The following PXDNL variants were observed in gnomAD, a reference collection of about 807,000 sequenced individuals.
PXDNL encodes peroxidasin like, also known as probable oxidoreductase PXDNL.
PXDNL carries 145 observed loss-of-function variants against 150.8 expected under a neutral mutation model. That is an observed-to-expected ratio of 0.96 (90% CI 0.84 to 1.10). The LOEUF (loss-of-function observed/expected upper bound fraction) is 1.10, where lower values mean the gene tolerates loss of function less well. Among genes scored for constraint, PXDNL ranks in the 50% least tolerant of loss-of-function variants. The pLI is 0.00. For missense variants in PXDNL, 2,087 were observed against 1,873.9 expected (o/e 1.11, Z -2.10); for synonymous variants, 757 against 725.7 (o/e 1.04, Z -0.69).
chr8:51,544,436 T>G (rs1812307204), intron 4 of PXDNL, among the ~76,000 whole-genome samples: 1 of 152,208 alleles, frequency 6.6e-6, no homozygotes, highest in South Asian at 2.1e-4. Context: ...TAACATCAGG[T>G]TATTCTTCGG....
At chr8:51,383,987 C>T (rs1283930124) in intron 17 of PXDNL, among the ~76,000 whole-genome samples, 1 of 152,120 alleles carries the variant, frequency 6.6e-6, no homozygotes, top group Non-Finnish European at 1.5e-5. Context: ...GATAGATATG[C>T]AGCAATGTAT....
At chr8:51,627,203 C>T (rs1004542980) in intron 2 of PXDNL, among the ~76,000 whole-genome samples, 4 of 151,992 alleles carry the variant, frequency 2.6e-5, no homozygotes, top group Non-Finnish European at 5.9e-5. Flanking sequence ...TTGCTTCCAG[C>T]GATTCTGGAT....
intron 2 of PXDNL, among the ~76,000 whole-genome samples, chr8:51,619,117 T>C (rs540572403): frequency 6.6e-6 from 1 of 152,198 alleles, no homozygotes; most frequent in Non-Finnish European, 1.5e-5. Context: ...CACCATTCAT[T>C]CTCCCTCAAG....
chr8:51,796,113 T>G (rs1004670150), intron 1 of PXDNL, among the ~76,000 whole-genome samples: 1 of 152,200 alleles, frequency 6.6e-6, no homozygotes, highest in Non-Finnish European at 1.5e-5. Flanking sequence ...TTGTGGCTAT[T>G]ACTATAACTA....
intron 10 of PXDNL, among the ~76,000 whole-genome samples, chr8:51,452,365 T>C (rs1809825510): frequency 6.6e-6 from 1 of 152,238 alleles, no homozygotes; most frequent in Non-Finnish European, 1.5e-5. Flanking sequence ...TGCCTTCTTA[T>C]TAGAGCAAGG....
intron 1 of PXDNL, among the ~76,000 whole-genome samples, chr8:51,790,728 C>G (rs2037504134): frequency 1.9e-5 from 1 of 52,968 alleles, no homozygotes; most frequent in Non-Finnish European, 9.2e-5. Context: ...TGGGCCCAGC[C>G]CCGGGTGCCA....
At chr8:51,763,632 G>A (rs189955882) in intron 1 of PXDNL, among the ~76,000 whole-genome samples, 1 of 151,738 alleles carries the variant, frequency 6.6e-6, no homozygotes, top group African/African-American at 2.4e-5. Context: ...TTTCGTTCCC[G>A]CTCTAAAGCT....
chr8:51,688,357 T>G (rs141762423), intron 1 of PXDNL, among the ~76,000 whole-genome samples: 111 of 152,242 alleles, frequency 7.3e-4, no homozygotes, highest in African/African-American at 2.6e-3. Context: ...AATAATCTGA[T>G]TTGTGTTTTA....
chr8:51,565,290 A>G (rs1812796123), intron 3 of PXDNL, among the ~76,000 whole-genome samples: 1 of 123,736 alleles, frequency 8.1e-6, no homozygotes. Context: ...TCCTAAATAA[A>G]TAAATAAATA....
At chr8:51,635,222 T>C (rs1372307528) in intron 2 of PXDNL, among the ~76,000 whole-genome samples, 1 of 152,018 alleles carries the variant, frequency 6.6e-6, no homozygotes, top group Non-Finnish European at 1.5e-5. Flanking sequence ...CGGGATGCAG[T>C]GAAAGCAGTG....
chr8:51,751,305 T>C lies in PXDNL; in HGVS notation c.164+57876A>G, dbSNP rs60817004. Among the ~76,000 whole-genome samples, 397 of 152,342 alleles carry C rather than the reference T, an allele frequency of 2.6e-3. 3 individuals are homozygous for C. Among genetic ancestry groups the C allele is most frequent in the African/African-American group, 9.0e-3 (375 of 41,582 alleles). ...ATGAGACTCTATTGACATATATCAC[T>C]ATTAAAGATCATGTTTTTAAGATCA... On this transcript the variant is annotated intron_variant, in intron 1 of 22. Coordinates refer to ENST00000356297, the MANE Select transcript of PXDNL (RefSeq NM_144651.5).
chr8:51,738,796 A>C (rs1485491102), intron 1 of PXDNL, among the ~76,000 whole-genome samples: 2 of 152,166 alleles, frequency 1.3e-5, no homozygotes, highest in African/African-American at 2.4e-5. Context: ...TTCACTGGAG[A>C]ATTCTAACAA....
intron 14 of PXDNL, among the ~76,000 whole-genome samples, chr8:51,415,680 G>A (rs1179698582): frequency 6.6e-6 from 1 of 152,178 alleles, no homozygotes; most frequent in Non-Finnish European, 1.5e-5. Flanking sequence ...AGTTAGAATT[G>A]TCTGGGCATA....
In PXDNL at chr8:51,413,165, C is replaced by G; in HGVS notation, c.1889G>C (p.Arg630Thr). ...RVDSAINSTRRHLFSQKPHTS... is the reference protein window; with the variant it reads ...RVDSAINSTRTHLFSQKPHTS... ...AAATTCTTACTGTGAAAACAAATGT[C>G]TTCGTGTGGAGTTAATTGCACTGTC... Residue 630 changes from arginine to threonine, a missense_variant, in exon 15 of 23, where the codon AGA (arginine) becomes ACA (threonine). Arg to Thr is a moderately conservative substitution (Grantham distance 71). Transcript: ENST00000356297. 1 of 1,592,326 alleles carries G rather than the reference C, an allele frequency of 6.3e-7. No homozygotes were observed. Among genetic ancestry groups the G allele is most frequent in the South Asian group, 1.1e-5 (1 of 90,486 alleles).
chr8:51,647,628 A>C (rs1814947241), intron 2 of PXDNL, among the ~76,000 whole-genome samples: 1 of 152,218 alleles, frequency 6.6e-6, no homozygotes, highest in Admixed American at 6.5e-5. Flanking sequence ...TGGAGTGGCT[A>C]GGAGCATGAA....
In PXDNL at chr8:51,324,779, T is replaced by C. The variant is rs145197534; in HGVS notation, c.4147-3882A>G. Among the ~76,000 whole-genome samples the C allele has an allele frequency of 3.6e-3, 550 of 152,364 alleles. 2 individuals carry two copies. Among genetic ancestry groups the C allele is most frequent in the Middle Eastern group, 0.01 (3 of 294 alleles). ...TTTCAGTTCCAAAATCTCCATCTTG[T>C]TTCCCTTTGTGTCTTGTATTACTTT... On this transcript the variant is annotated intron_variant, in intron 21 of 22. Coordinates refer to ENST00000356297, the MANE Select transcript of PXDNL (RefSeq NM_144651.5).
At chr8:51,441,491 A>G (rs1809547325) in intron 12 of PXDNL, among the ~76,000 whole-genome samples, 1 of 152,230 alleles carries the variant, frequency 6.6e-6, no homozygotes, top group Non-Finnish European at 1.5e-5. Context: ...ACAGCAGCAG[A>G]GAACTAGAAA....
At chr8:51,718,569 T>G (rs1189584460) in intron 1 of PXDNL, among the ~76,000 whole-genome samples, 1 of 152,268 alleles carries the variant, frequency 6.6e-6, no homozygotes, top group African/African-American at 2.4e-5. Context: ...TTTCATACAT[T>G]GCCCTAAAGG....
At chr8:51,695,583 C>T (rs999579286) in intron 1 of PXDNL, among the ~76,000 whole-genome samples, 1 of 152,124 alleles carries the variant, frequency 6.6e-6, no homozygotes. Context: ...AGTGAGACCT[C>T]AGAGACAACA....
Sources: gnomAD v4.1 joint callset for allele counts (sites outside exome capture counted in the v4.1 genomes callset) on GRCh38, gnomAD v4.1.1 for gene constraint, MANE v1.5 for transcripts, NCBI Gene and HGNC (gene_info 2026-07-23, HGNC 2026-07-21) for gene names.